CFAP43: variants seen among roughly 807,000 people sequenced by gnomAD.
The protein encoded by CFAP43 is cilia- and flagella-associated protein 43.
A neutral mutation model predicts 218.9 loss-of-function variants in CFAP43; 155 were observed. The observed-to-expected ratio is 0.71, with a 90% CI of 0.62 to 0.81. The LOEUF (loss-of-function observed/expected upper bound fraction) is 0.81, where lower values mean the gene tolerates loss of function less well. Among genes scored for constraint, CFAP43 ranks in the 30% least tolerant of loss-of-function variants. The pLI is 0.00. For missense variants in CFAP43, 1,778 were observed against 1,954.3 expected (o/e 0.91, Z 1.70); for synonymous variants, 645 against 681.3 (o/e 0.95, Z 0.83).
intron 10 of CFAP43, among the ~76,000 whole-genome samples, chr10:104,194,462 T>C (rs569268874): frequency 3.9e-5 from 6 of 152,324 alleles, no homozygotes; most frequent in South Asian, 2.1e-4. Context: ...CTTGAACTAC[T>C]GGGCTCAAGT....
At chr10:104,209,770 G>A (rs2090797242) in intron 5 of CFAP43, among the ~76,000 whole-genome samples, 1 of 152,092 alleles carries the variant, frequency 6.6e-6, no homozygotes, top group Admixed American at 6.5e-5. Context: ...TGATCTCTTT[G>A]TTCTTCCTTT....
At chr10:104,194,897 G>A (rs2090341553) in intron 10 of CFAP43, among the ~76,000 whole-genome samples, 1 of 152,218 alleles carries the variant, frequency 6.6e-6, no homozygotes, top group African/African-American at 2.4e-5. Flanking sequence ...AAGCAGCCAG[G>A]TGTCCTGCCT....
chr10:104,184,854 G>T, intron 16 of CFAP43, 162 bp downstream of exon 16: 1 of 783,206 alleles, frequency 1.3e-6, no homozygotes. Context: ...TGGTACCCGA[G>T]AATGCAGTGT....
chr10:104,227,285 T>C (rs2091328189), intron 2 of CFAP43, among the ~76,000 whole-genome samples: 1 of 152,198 alleles, frequency 6.6e-6, no homozygotes. Flanking sequence ...TCTTTGACCA[T>C]ATTTCTAACC....
intron 23 of CFAP43, 49 bp from the exon 24 acceptor site, chr10:104,164,349 C>A: frequency 7.5e-7 from 1 of 1,340,964 alleles, no homozygotes; most frequent in Non-Finnish European, 1.0e-6. Flanking sequence ...TATATCTTTA[C>A]TGGTAACATG....
intron 30 of CFAP43, 144 bp from the exon 31 acceptor site, chr10:104,145,708 C>G (rs182949267): frequency 5.8e-6 from 3 of 513,696 alleles, no homozygotes; most frequent in East Asian, 2.9e-5. Context: ...AGACATTAAC[C>G]ATTCTCTGTG....
In CFAP43 at chr10:104,225,545, A is replaced by G; in HGVS notation, c.332T>C (p.Leu111Pro). 6.2e-7 allele frequency: 1 copy of G among 1,610,844 alleles called. No individual in the cohort carries two copies. Among genetic ancestry groups the G allele is most frequent in the Non-Finnish European group, 8.5e-7 (1 of 1,178,376 alleles). The change falls in exon 3 of 38, where the codon CTG becomes CCG. Residue 111 changes from leucine to proline, a missense_variant. By Grantham distance (98) the Leu-to-Pro change is moderately conservative (BLOSUM62 -3). Coordinates refer to ENST00000357060, the MANE Select transcript of CFAP43 (RefSeq NM_025145.7). ...RRTKLKGNILLDYTLLSFSYC... is the reference protein window; with the variant it reads ...RRTKLKGNILPDYTLLSFSYC... ...ACTGAATGAAAGTAAAGTGTAGTCC[A>G]GGAGAATGTTGCCTAAAATATAAAA...
At chr10:104,146,506 A>C (rs2087980003) in intron 29 of CFAP43, among the ~76,000 whole-genome samples, 157 bp from the exon 30 acceptor site, 1 of 152,236 alleles carries the variant, frequency 6.6e-6, no homozygotes, top group Non-Finnish European at 1.5e-5. Flanking sequence ...AAGAAAATAC[A>C]CCAATTGGGG....
intron 24 of CFAP43, among the ~76,000 whole-genome samples, chr10:104,163,565 A>G (rs1564741137): frequency 6.6e-6 from 1 of 151,992 alleles, no homozygotes; most frequent in Non-Finnish European, 1.5e-5. Context: ...CTGTCCGGAG[A>G]GCCCCTTTCT....
At chr10:104,147,474 G>C (rs963260390) in intron 29 of CFAP43, among the ~76,000 whole-genome samples, 1 of 151,580 alleles carries the variant, frequency 6.6e-6, no homozygotes, top group Non-Finnish European at 1.5e-5. Context: ...CATTCTATAC[G>C]CAAGCCCATT....
chr10:104,146,293 C>A lies in CFAP43; in HGVS notation c.3825G>T (p.Glu1275Asp), dbSNP rs377514079. 1.2e-6 allele frequency: 2 copies of A among 1,613,702 alleles called. No homozygotes were observed. The highest frequency in any genetic ancestry group is 8.5e-7 in the Non-Finnish European group (1 of 1,179,744). ...CTTCTGCCAGTAAGTTGTCATAGTGCTCCTTGCACACATCCAGGTCTTCTC... is the reference window on the plus strand; with the variant it reads ...CTTCTGCCAGTAAGTTGTCATAGTGATCCTTGCACACATCCAGGTCTTCTC... The part of the protein sequence containing the change: ...KSREDLDVCK[E>D]HYDNLLAEDK... Residue 1275 changes from glutamate (E) to aspartate (D), a missense_variant, in exon 30 of 38, where the codon GAG (glutamate) becomes GAT (aspartate). Coordinates refer to ENST00000357060, the MANE Select transcript of CFAP43 (RefSeq NM_025145.7).
At chr10:104,161,527 T>C (rs951645158) in intron 26 of CFAP43, among the ~76,000 whole-genome samples, 8 of 152,244 alleles carry the variant, frequency 5.3e-5, no homozygotes, top group Non-Finnish European at 5.9e-5. Flanking sequence ...CTGCCTTCAA[T>C]AGAGACCAAA....
chr10:104,149,326 C>T (rs1228761084), intron 28 of CFAP43, among the ~76,000 whole-genome samples: 4 of 152,150 alleles, frequency 2.6e-5, no homozygotes, highest in African/African-American at 4.8e-5. Context: ...TCCATTAATC[C>T]GTTGAGAGAT....
At chr10:104,141,877 A>G (rs1001878615) in intron 33 of CFAP43, among the ~76,000 whole-genome samples, 2 of 152,190 alleles carry the variant, frequency 1.3e-5, no homozygotes, top group Non-Finnish European at 2.9e-5. Context: ...AGTAAACAAC[A>G]AGTTCCCCTA....
chr10:104,145,205 A>C (rs1266335963), intron 31 of CFAP43, among the ~76,000 whole-genome samples: 2 of 152,252 alleles, frequency 1.3e-5, no homozygotes, highest in African/African-American at 4.8e-5. Flanking sequence ...AACTTCCTTA[A>C]TGTACAAAGC....
chr10:104,230,941 A>G, intron 1 of CFAP43, 98 bp from the exon 2 acceptor site: 1 of 1,326,666 alleles, frequency 7.5e-7, no homozygotes, highest in African/African-American at 1.5e-5. Context: ...AAACATTTCT[A>G]TTTTCATGTC....
At chr10:104,134,722 A>G (rs1197723784) in intron 34 of CFAP43, among the ~76,000 whole-genome samples, 1 of 152,156 alleles carries the variant, frequency 6.6e-6, no homozygotes, top group African/African-American at 2.4e-5. Context: ...CAAGTAAATA[A>G]TTGAATCAGT....
chr10:104,144,581 G>A (rs1178166160), intron 31 of CFAP43, among the ~76,000 whole-genome samples: 1 of 152,108 alleles, frequency 6.6e-6, no homozygotes, highest in Non-Finnish European at 1.5e-5. Flanking sequence ...CCCGGGAGGC[G>A]GAGGTTGCAG....
At chr10:104,209,722 C>T (rs1409966674) in intron 5 of CFAP43, among the ~76,000 whole-genome samples, 1 of 152,184 alleles carries the variant, frequency 6.6e-6, no homozygotes, top group East Asian at 1.9e-4. Flanking sequence ...GCACCAAATA[C>T]TAAACATAGA....
Sources: allele counts gnomAD v4.1 joint callset (sites outside exome capture counted in the v4.1 genomes callset), GRCh38; gene constraint gnomAD v4.1.1; transcripts MANE v1.5; gene names NCBI Gene and HGNC (gene_info 2026-07-23, HGNC 2026-07-21).